Variants in NIM1K observed in about 807,000 individuals in gnomAD.
NIM1K encodes the protein NIM1 serine/threonine protein kinase.
NIM1K carries 35 observed loss-of-function variants against 37.1 expected under a neutral mutation model. That is an observed-to-expected ratio of 0.94 (90% CI 0.72 to 1.25). The LOEUF is 1.25. Ranked by LOEUF, NIM1K falls within the 50% of genes most tolerant of loss-of-function variation. The pLI is 0.00. For synonymous variants in NIM1K, 234 were observed against 206.6 expected (o/e 1.13, Z -1.14); for missense variants, 564 against 548.0 (o/e 1.03, Z -0.29).
intron 1 of NIM1K, among the ~76,000 whole-genome samples, chr5:43,231,333 T>G (rs560798336): frequency 5.9e-5 from 9 of 152,282 alleles, no homozygotes; most frequent in African/African-American, 2.2e-4. Context: ...CCTCTATCTA[T>G]ATCTATATAT....
At chr5:43,194,186 G>T (rs570338705) in intron 1 of NIM1K, among the ~76,000 whole-genome samples, 1 of 152,208 alleles carries the variant, frequency 6.6e-6, no homozygotes, top group East Asian at 1.9e-4. Flanking sequence ...AGCCCAGATC[G>T]CCCTCGCCAT....
At chr5:43,203,188 A>G (rs1378113119) in intron 1 of NIM1K, among the ~76,000 whole-genome samples, 1 of 152,104 alleles carries the variant, frequency 6.6e-6, no homozygotes, top group Non-Finnish European at 1.5e-5. Context: ...CAAGAAGAGC[A>G]ATTCTTACTG....
At chr5:43,224,832 A>C (rs1300363767) in intron 1 of NIM1K, among the ~76,000 whole-genome samples, 1 of 151,738 alleles carries the variant, frequency 6.6e-6, no homozygotes, top group Non-Finnish European at 1.5e-5. Flanking sequence ...AGTAGCTGCG[A>C]TTACAGGCGT....
intron 1 of NIM1K, among the ~76,000 whole-genome samples, chr5:43,208,596 T>C (rs4392632): frequency 1 from 151,198 of 151,616 alleles, 75,391 homozygotes; most frequent in Middle Eastern, 1. Flanking sequence ...GGCAGGACTC[T>C]GTCTCAAAAA....
chr5:43,279,179 A>G (rs1245976106), intron 3 of NIM1K, among the ~76,000 whole-genome samples: 1 of 152,222 alleles, frequency 6.6e-6, no homozygotes, highest in Non-Finnish European at 1.5e-5. Flanking sequence ...GACCATGCTG[A>G]GCACTGTTCT....
At chr5:43,237,169 A>T (rs1297625802) in intron 1 of NIM1K, among the ~76,000 whole-genome samples, 1 of 152,198 alleles carries the variant, frequency 6.6e-6, no homozygotes, top group African/African-American at 2.4e-5. Context: ...TTGCCAACCA[A>T]TGAAAAGGTT....
At chr5:43,220,340 C>A (rs573025476) in intron 1 of NIM1K, among the ~76,000 whole-genome samples, 1 of 142,136 alleles carries the variant, frequency 7.0e-6, no homozygotes, top group South Asian at 2.2e-4. Flanking sequence ...GGCTATAGTG[C>A]GGTGGCACCA....
At chr5:43,255,778 G>GAAAGAAAGAAAGAAAC (rs1363406613) in intron 2 of NIM1K, among the ~76,000 whole-genome samples, 1 of 150,174 alleles carries the variant, frequency 6.7e-6, no homozygotes, top group Non-Finnish European at 1.5e-5. Flanking sequence ...AAGAAAGAAA[G>GAAAGAAAGAAAGAAAC]AGCAGGAGGG....
chr5:43,204,704 C>CAAA (rs59833557), intron 1 of NIM1K, among the ~76,000 whole-genome samples: 3 of 125,952 alleles, frequency 2.4e-5, no homozygotes, highest in Non-Finnish European at 5.0e-5. Context: ...GGCTCTGTCT[C>CAAA]AAAAAAAAAA....
At chr5:43,203,184 G>T (rs957975302) in intron 1 of NIM1K, among the ~76,000 whole-genome samples, 8 of 151,932 alleles carry the variant, frequency 5.3e-5, no homozygotes, top group Non-Finnish European at 1.2e-4. Flanking sequence ...TTCCCAAGAA[G>T]AGCAATTCTT....
chr5:43,276,666 G>A (rs1753346071), intron 2 of NIM1K, among the ~76,000 whole-genome samples: 1 of 152,240 alleles, frequency 6.6e-6, no homozygotes, highest in South Asian at 2.1e-4. Context: ...TTTTCAGGGA[G>A]CAACAAAAAG....
intron 2 of NIM1K, among the ~76,000 whole-genome samples, chr5:43,262,474 C>A (rs1753046273): frequency 6.6e-6 from 1 of 152,172 alleles, no homozygotes; most frequent in South Asian, 2.1e-4. Context: ...TGAGACTTTG[C>A]TGAAGTTCTT....
chr5:43,216,493 T>C (rs1444260871), intron 1 of NIM1K, among the ~76,000 whole-genome samples: 1 of 152,226 alleles, frequency 6.6e-6, no homozygotes, highest in Non-Finnish European at 1.5e-5. Context: ...TATCAGAGCT[T>C]GAGTAAAAAG....
At chr5:43,240,816 C>T (rs1326708567) in intron 1 of NIM1K, among the ~76,000 whole-genome samples, 1 of 151,760 alleles carries the variant, frequency 6.6e-6, no homozygotes, top group African/African-American at 2.4e-5. Context: ...GTATTACAGC[C>T]GTGAGCCACC....
At chr5:43,240,708 T>C in intron 1 of NIM1K, among the ~76,000 whole-genome samples, 1 of 151,928 alleles carries the variant, frequency 6.6e-6, no homozygotes. Flanking sequence ...CTAATTTCTT[T>C]GTATTTTTAG....
chr5:43,272,145 G>T (rs185651303), intron 2 of NIM1K, among the ~76,000 whole-genome samples: 5 of 152,256 alleles, frequency 3.3e-5, no homozygotes, highest in African/African-American at 4.8e-5. Flanking sequence ...TTAAAAAAAT[G>T]CTTTATTGAC....
At chr5:43,267,597 A>G (rs1000730257) in intron 2 of NIM1K, among the ~76,000 whole-genome samples, 5 of 152,166 alleles carry the variant, frequency 3.3e-5, no homozygotes, top group Admixed American at 6.5e-5. Context: ...AGTGCTATAA[A>G]CTTTCCTCTT....
At chr5:43,221,336 A>C (rs990368125) in intron 1 of NIM1K, among the ~76,000 whole-genome samples, 3 of 151,860 alleles carry the variant, frequency 2.0e-5, no homozygotes, top group Non-Finnish European at 4.4e-5. Flanking sequence ...CTGTAATTCC[A>C]ACTACTCAGG....
intron 1 of NIM1K, among the ~76,000 whole-genome samples, chr5:43,198,473 T>A (rs548305370): frequency 1.3e-4 from 20 of 151,954 alleles, no homozygotes; most frequent in Non-Finnish European, 2.1e-4. Context: ...GAAAACTGTC[T>A]TTATTTTTAT....
Sources: allele counts gnomAD v4.1 joint callset (sites outside exome capture counted in the v4.1 genomes callset), GRCh38; gene constraint gnomAD v4.1.1; transcripts MANE v1.5; gene names NCBI Gene and HGNC (gene_info 2026-07-23, HGNC 2026-07-21).